KLHDC4: variants seen among roughly 807,000 people sequenced by gnomAD.
KLHDC4 encodes kelch domain containing 4, also known as kelch domain-containing protein 4.
In KLHDC4, 90 loss-of-function variants were observed where a neutral mutation model predicts 62.4. The ratio of observed to expected loss-of-function variants is 1.44; its 90% CI spans 1.22 to 1.72. KLHDC4 has a LOEUF of 1.72. KLHDC4 is among the 40% of genes most tolerant of loss of function. The pLI is 0.00. For synonymous variants in KLHDC4, 386 were observed against 284.4 expected (o/e 1.36, Z -3.59); for missense variants, 1,025 against 699.7 (o/e 1.47, Z -5.25).
At chr16:87,752,741 G>C (rs1169978510) in intron 4 of KLHDC4, among the ~76,000 whole-genome samples, 15 of 152,148 alleles carry the variant, frequency 9.9e-5, no homozygotes, top group Admixed American at 8.5e-4. Context: ...CAGTCTAAGA[G>C]CTTCGTATAG....
In KLHDC4 at chr16:87,751,484, GA is replaced by G. The variant is rs5818643; in HGVS notation, c.370-2676del. Reference sequence around the variant, plus strand: ...GCAAGACTTCATCTCAAAAAAAAAAGAAAAAAAAAATGAACTTTATGTGCAG... The same window carrying G: ...GCAAGACTTCATCTCAAAAAAAAAAGAAAAAAAAATGAACTTTATGTGCAG... On this transcript the variant is annotated intron_variant, in intron 4 of 11. Coordinates refer to ENST00000270583, the MANE Select transcript of KLHDC4 (RefSeq NM_017566.4). 1.9e-4 allele frequency among the ~76,000 whole-genome samples: 28 copies of G among 148,192 alleles called. 1 individual carries two copies. The highest frequency in any genetic ancestry group is 5.5e-4 in the African/African-American group (22 of 40,222).
intron 7 of KLHDC4, among the ~76,000 whole-genome samples, chr16:87,719,765 T>C (rs1390092105): frequency 1.3e-5 from 2 of 152,058 alleles, no homozygotes; most frequent in African/African-American, 2.4e-5. Context: ...TCTAATACAT[T>C]ATTGCTGGAA....
chr16:87,741,151 T>G (rs747331043), intron 5 of KLHDC4, among the ~76,000 whole-genome samples: 4 of 152,236 alleles, frequency 2.6e-5, no homozygotes, highest in Non-Finnish European at 4.4e-5. Flanking sequence ...ATGTCCTGTC[T>G]GTTGCTAGAA....
chr16:87,737,834 G>A (rs775371834), intron 5 of KLHDC4, among the ~76,000 whole-genome samples: 2 of 151,964 alleles, frequency 1.3e-5, no homozygotes, highest in African/African-American at 2.4e-5. Context: ...CAGGTGATCC[G>A]CCTGCCTCGG....
At chr16:87,755,461 C>T (rs1245171267) in intron 3 of KLHDC4, 169 bp from the exon 4 acceptor site, 30 of 494,532 alleles carry the variant, frequency 6.1e-5, no homozygotes, top group Middle Eastern at 3.1e-4. Flanking sequence ...TTGGGGATGA[C>T]GACACAATGA....
At chr16:87,764,402 C>G (rs1023233238) in intron 1 of KLHDC4, among the ~76,000 whole-genome samples, 21 of 151,956 alleles carry the variant, frequency 1.4e-4, no homozygotes, top group African/African-American at 5.1e-4. Flanking sequence ...GTAATCCCAG[C>G]ACTTTGGGAG....
At chr16:87,721,690 T>C (rs2038380324) in intron 7 of KLHDC4, among the ~76,000 whole-genome samples, 1 of 152,158 alleles carries the variant, frequency 6.6e-6, no homozygotes, top group South Asian at 2.1e-4. Context: ...GGAGCTCAGC[T>C]CCCAAGTGGC....
intron 2 of KLHDC4, among the ~76,000 whole-genome samples, chr16:87,759,001 C>T (rs1036338600): frequency 2.0e-5 from 3 of 151,964 alleles, no homozygotes; most frequent in Non-Finnish European, 4.4e-5. Context: ...CATGAGGAAA[C>T]CCCATCTCTA....
chr16:87,742,289 C>G (rs1166599864), intron 5 of KLHDC4, among the ~76,000 whole-genome samples: 1 of 152,126 alleles, frequency 6.6e-6, no homozygotes, highest in Non-Finnish European at 1.5e-5. Flanking sequence ...CTACACTAGC[C>G]CCTGACGATC....
intron 7 of KLHDC4, among the ~76,000 whole-genome samples, chr16:87,724,103 G>A (rs2038927010): frequency 6.6e-6 from 1 of 152,148 alleles, no homozygotes; most frequent in Non-Finnish European, 1.5e-5. Context: ...CTCCCAAAGT[G>A]CTGGGATTAC....
At chr16:87,735,490 T>G (rs1007195430) in intron 5 of KLHDC4, among the ~76,000 whole-genome samples, 1 of 152,162 alleles carries the variant, frequency 6.6e-6, no homozygotes, top group African/African-American at 2.4e-5. Flanking sequence ...GGGCGGGGCC[T>G]CCTTTCACTG....
At chr16:87,755,122 C>T (rs2044657228) in intron 4 of KLHDC4, 72 bp downstream of exon 4, 1 of 1,041,284 alleles carries the variant, frequency 9.6e-7, no homozygotes, top group Non-Finnish European at 1.5e-6. Context: ...TGTCACCTAT[C>T]AACTCTCCGT....
At position 87,726,887 on chromosome 16, in the gene KLHDC4, G is replaced by C. The variant is rs1285339204; in HGVS notation, c.637C>G (p.Leu213Val). ...IYYNDVYAFN[L>V]DTFTWSKLSP... ...AGCTTGCTCCATGTGAAGGTGTCCA[G>C]ATTAAAGGCATACACGTCGTTGTAG... Residue 213 changes from leucine to valine, a missense_variant, in exon 7 of 12, where the codon CTG becomes GTG. Coordinates refer to ENST00000270583, the MANE Select transcript of KLHDC4 (RefSeq NM_017566.4). 4 of 1,613,904 alleles carry C rather than the reference G, an allele frequency of 2.5e-6. No individual in the cohort carries two copies. Among genetic ancestry groups the C allele is most frequent in the Non-Finnish European group, 2.5e-6 (3 of 1,179,964 alleles).
downstream of KLHDC4, among the ~76,000 whole-genome samples, chr16:87,704,364 A>G (rs2034402877): frequency 7.4e-6 from 1 of 134,626 alleles, no homozygotes; most frequent in Admixed American, 7.4e-5. Context: ...ACAGGGAAGG[A>G]GGCGCCTGGG....
intron 5 of KLHDC4, among the ~76,000 whole-genome samples, chr16:87,736,863 G>A (rs55950332): frequency 0.39 from 59,542 of 151,672 alleles, 12,116 homozygotes; most frequent in Middle Eastern, 0.55. Flanking sequence ...GGTGGCTCAC[G>A]CCTGTAATCC....
chr16:87,740,594 A>G (rs183489701), intron 5 of KLHDC4: 1 of 152,340 alleles, frequency 6.6e-6, no homozygotes, highest in East Asian at 1.9e-4. Flanking sequence ...TCGTCAAAGG[A>G]AAATGCTCTG....
chr16:87,732,830 C>A (rs776822516), intron 5 of KLHDC4, among the ~76,000 whole-genome samples: 21 of 151,560 alleles, frequency 1.4e-4, no homozygotes, highest in South Asian at 4.2e-4. Flanking sequence ...AAGGCAGGTG[C>A]AAAGCAAATC....
chr16:87,720,286 G>T (rs1462116037), intron 7 of KLHDC4, among the ~76,000 whole-genome samples: 2 of 152,206 alleles, frequency 1.3e-5, no homozygotes, highest in South Asian at 2.1e-4. Flanking sequence ...CGGCAGCACT[G>T]ATGTTCACCG....
At chr16:87,728,800 G>T (rs1019619551) in intron 6 of KLHDC4, among the ~76,000 whole-genome samples, 3 of 152,072 alleles carry the variant, frequency 2.0e-5, no homozygotes, top group Non-Finnish European at 4.4e-5. Flanking sequence ...CGAACATAGT[G>T]AAACCCCGTC....
Sources: gnomAD v4.1 joint callset for allele counts (sites outside exome capture counted in the v4.1 genomes callset) on GRCh38, gnomAD v4.1.1 for gene constraint, MANE v1.5 for transcripts, NCBI Gene and HGNC (gene_info 2026-07-23, HGNC 2026-07-21) for gene names.